Variants in ADGRF1 observed in about 807,000 individuals in gnomAD.
ADGRF1 encodes G protein-coupled receptor 110.
Under a neutral mutation model 87.2 loss-of-function variants are expected in ADGRF1, and 85 were observed. That is an observed-to-expected ratio of 0.97 (90% CI 0.82 to 1.17). The LOEUF is 1.17. Among genes scored for constraint, ADGRF1 ranks in the 50% most tolerant of loss-of-function variants. ADGRF1 has a pLI of 0.00. For missense variants in ADGRF1, 1,169 were observed against 1,077.2 expected, an observed-to-expected ratio of 1.09 and a Z score of -1.19; for synonymous variants, 430 against 408.8, an observed-to-expected ratio of 1.05 and a Z score of -0.63.
chr6:47,006,482 C>CTATT (rs1779534375), intron 12 of ADGRF1, among the ~76,000 whole-genome samples: 2 of 151,628 alleles, frequency 1.3e-5, no homozygotes, highest in African/African-American at 2.4e-5. Context: ...ATGTGAGAGG[C>CTATT]TATTTATTTA....
At chr6:47,040,135 C>T (rs1780695137) in intron 1 of ADGRF1, among the ~76,000 whole-genome samples, 1 of 152,156 alleles carries the variant, frequency 6.6e-6, no homozygotes, top group Admixed American at 6.5e-5. Flanking sequence ...CCCTTCTCTA[C>T]AAGCTATGGG....
intron 1 of ADGRF1, among the ~76,000 whole-genome samples, chr6:47,037,876 T>TGA: frequency 6.6e-6 from 1 of 152,148 alleles, no homozygotes; most frequent in Admixed American, 6.5e-5. Context: ...TTGTTTGTGT[T>TGA]TTGAGACGGA....
Position 46,998,617 on chromosome 6 carries a change from A to AT in ADGRF1, c.*1604dup. On this transcript the variant is annotated 3_prime_UTR_variant, in exon 15 of 15. Coordinates refer to ENST00000371253, the MANE Select transcript of ADGRF1 (RefSeq NM_153840.4). ...AGACTTCCATCAGCCATGCATCCTA[A>AT]TTGTTGTGGTTCTGAGAAATCTGAG... 1 of 152,336 alleles carries AT rather than the reference A, an allele frequency of 6.6e-6. No homozygotes were observed. The highest frequency in any genetic ancestry group is 1.9e-4 in the East Asian group (1 of 5,180). The allele number at this position is 152,336 out of a possible 1,614,324, so 9.4% of individuals were successfully genotyped here.
Position 46,999,297 on chromosome 6 carries a change from T to C in ADGRF1, c.*925A>G, listed in dbSNP as rs1384105938. 3.3e-5 allele frequency: 5 copies of C among 152,252 alleles called. No individual in the cohort carries two copies. The highest frequency in any genetic ancestry group is 7.3e-5 in the Non-Finnish European group (5 of 68,050). The allele number at this position is 152,252 out of a possible 1,614,324, so 9.4% of individuals were successfully genotyped here. A position where few individuals can be genotyped will look rare whatever the true frequency, so the allele number is the denominator to read the frequency against. The stretch of plus-strand genomic sequence containing the variant: ...TCCCTGGAAGCTGACAACCAAATTC[T>C]CCCTTAATTTCTCTCTTACATAGAA... On this transcript the variant is annotated 3_prime_UTR_variant, in exon 15 of 15. Transcript: ENST00000371253.
rs1254689600 is a variant in ADGRF1, at chr6:47,007,429, C to CCTTAAGAGA, written c.2491-136_2491-135insTCTCTTAAG. The CCTTAAGAGA allele has an allele frequency of 2.3e-3, 1,234 of 545,012 alleles. 13 individuals are homozygous for CCTTAAGAGA. The highest frequency in any genetic ancestry group is 0.022 in the African/African-American group (1,123 of 51,242). The allele number at this position is 545,012 out of a possible 1,614,324, so 33.8% of individuals were successfully genotyped here. A position where few individuals can be genotyped will look rare whatever the true frequency, so the allele number is the denominator to read the frequency against. On this transcript the variant is annotated intron_variant, in intron 11 of 14. Transcript: ENST00000371253. ...CTGTCTCCTTAAGAGACTGTAGTCT[C>CCTTAAGAGA]CTTGAAAGCAAGAACACCATGTGGC...
At chr6:47,031,351 GTCTC>G (rs374462680) in intron 1 of ADGRF1, among the ~76,000 whole-genome samples, 8,204 of 110,636 alleles carry the variant, frequency 0.074, 446 homozygotes, top group East Asian at 0.21. Context: ...CTCTCTCTCT[GTCTC>G]TCTCTCTCTC....
Position 47,012,098 on chromosome 6 carries a change from A to G in ADGRF1, c.1025T>C (p.Val342Ala), listed in dbSNP as rs1472709727. ...VIIRQNPSTTVGNLASVVSIL... is the reference protein window; with the variant it reads ...VIIRQNPSTTAGNLASVVSIL... Reference sequence around the variant, plus strand: ...CGACACCACCGAAGCCAGATTCCCCACTGTGGTTGATGGGTTTTGCCGAAT... The same window carrying G: ...CGACACCACCGAAGCCAGATTCCCCGCTGTGGTTGATGGGTTTTGCCGAAT... Residue 342 changes from valine to alanine, a missense_variant, in exon 10 of 15, where the codon GTG (valine) becomes GCG (alanine). Val to Ala is a moderately conservative substitution (Grantham distance 64). Transcript: ENST00000371253. 1.2e-6 allele frequency: 2 copies of G among 1,614,004 alleles called. No individual in the cohort carries two copies. The highest frequency in any genetic ancestry group is 1.7e-6 in the Non-Finnish European group (2 of 1,179,992).
At chr6:47,027,525 T>C (rs1453679705) in intron 3 of ADGRF1, among the ~76,000 whole-genome samples, 179 bp downstream of exon 3, 2 of 152,236 alleles carry the variant, frequency 1.3e-5, no homozygotes, top group African/African-American at 4.8e-5. Context: ...GCTCTCATGA[T>C]ATTATTTAAT....
intron 6 of ADGRF1, among the ~76,000 whole-genome samples, chr6:47,021,533 T>G (rs1445271745): frequency 6.6e-6 from 1 of 152,048 alleles, no homozygotes; most frequent in East Asian, 1.9e-4. Flanking sequence ...CTAATTTTTG[T>G]GTTTTTTAGT....
intron 7 of ADGRF1, 152 bp downstream of exon 7, chr6:47,020,579 A>C: frequency 6.6e-7 from 1 of 1,515,492 alleles, no homozygotes; most frequent in South Asian, 1.3e-5. Flanking sequence ...TTTTTAAAGC[A>C]TCACAGATCC....
At chr6:47,012,778 T>A (rs7452821) in intron 9 of ADGRF1, 2 of 985,458 alleles carry the variant, frequency 2.0e-6, no homozygotes, top group Non-Finnish European at 2.4e-6. Flanking sequence ...TTGTTTTTTT[T>A]ATTTTTTTCG....
intron 9 of ADGRF1, chr6:47,012,437 T>G (rs1779736817): frequency 1.5e-6 from 1 of 659,764 alleles, no homozygotes. Flanking sequence ...GTACCATTAT[T>G]ATTTTCATTC....
chr6:47,008,464 C>A (rs1359982197), intron 11 of ADGRF1, among the ~76,000 whole-genome samples: 1 of 152,206 alleles, frequency 6.6e-6, no homozygotes, highest in East Asian at 1.9e-4. Context: ...GTGAAAGCAG[C>A]CATAGACCAT....
chr6:47,021,985 G>C lies in ADGRF1; in HGVS notation c.525C>G (p.Ser175=), dbSNP rs142993064. 6.9e-6 allele frequency: 11 copies of C among 1,586,692 alleles called. No individual in the cohort carries two copies. In the African/African-American group the frequency reaches 8.1e-5, roughly 12 times the overall value. ...GAATTTCAATTCCATTTGCATATTTGGAGTATATAGCAGAAGATGAATTCA... is the reference window on the plus strand; with the variant it reads ...GAATTTCAATTCCATTTGCATATTTCGAGTATATAGCAGAAGATGAATTCA... The part of the protein sequence containing the change: ...DLLNSSSAIY[S]KYANGIEIQL... Residue 175 remains serine (S), a synonymous_variant, in exon 6 of 15, where the codon TCC becomes TCG. Transcript: ENST00000371253.
chr6:47,026,031 T>G (rs2113899728), intron 3 of ADGRF1, 28 bp from the exon 4 acceptor site: 2 of 1,526,826 alleles, frequency 1.3e-6, no homozygotes, highest in East Asian at 4.6e-5. Context: ...GTCAGAAACC[T>G]TTTTTTCTGT....
At chr6:47,018,296 T>C (rs2113890841) in intron 7 of ADGRF1, 8 of 890,566 alleles carry the variant, frequency 9.0e-6, no homozygotes, top group Non-Finnish European at 1.2e-5. Context: ...ACTCATGAGA[T>C]AAGCAGTGTA....
At chr6:47,037,856 TTTTG>T (rs1194428445) in intron 1 of ADGRF1, among the ~76,000 whole-genome samples, 2 of 151,886 alleles carry the variant, frequency 1.3e-5, no homozygotes, top group Non-Finnish European at 2.9e-5. Flanking sequence ...GAATGTGTGG[TTTTG>T]TTTGTTTGTT....
At chr6:47,005,751 G>T (rs1208051989) in intron 13 of ADGRF1, 66 bp downstream of exon 13, 1 of 1,173,638 alleles carries the variant, frequency 8.5e-7, no homozygotes, top group Non-Finnish European at 1.3e-6. Flanking sequence ...CAGCAAGACT[G>T]TATAAAGAGA....
In ADGRF1 at chr6:47,013,223, T is replaced by G. The variant is rs922722102; in HGVS notation, c.928-1028A>C. 75 of 985,520 alleles carry G rather than the reference T, an allele frequency of 7.6e-5. No homozygotes were observed. The African/African-American group carries it at 1.2e-3, about 15-fold the overall frequency. The allele number at this position is 985,520 out of a possible 1,614,324, so 61.0% of individuals were successfully genotyped here. A position where few individuals can be genotyped will look rare whatever the true frequency, so the allele number is the denominator to read the frequency against. ...TGCCCGCCATTTTCCTTCTTGTTCTTCTCAACTGACAATGCTGTTTTCTGT... is the reference window on the plus strand; with the variant it reads ...TGCCCGCCATTTTCCTTCTTGTTCTGCTCAACTGACAATGCTGTTTTCTGT... On this transcript the variant is annotated intron_variant, in intron 9 of 14. Coordinates refer to ENST00000371253, the MANE Select transcript of ADGRF1 (RefSeq NM_153840.4).
Sources: gnomAD v4.1 joint callset for allele counts (sites outside exome capture counted in the v4.1 genomes callset) on GRCh38, gnomAD v4.1.1 for gene constraint, MANE v1.5 for transcripts, NCBI Gene and HGNC (gene_info 2026-07-23, HGNC 2026-07-21) for gene names.